The following XIRP2 variants were observed in gnomAD, a reference collection of about 807,000 sequenced individuals.
XIRP2 encodes xin actin-binding repeat-containing protein 2.
Under a neutral mutation model 277.0 loss-of-function variants are expected in XIRP2, and 236 were observed. The observed-to-expected ratio is 0.85, with a 90% CI of 0.77 to 0.95. The LOEUF is 0.95. Among genes scored for constraint, XIRP2 ranks in the 40% least tolerant of loss-of-function variants. The pLI is 0.00. For synonymous variants in XIRP2, 1,490 were observed against 1,416.5 expected (o/e 1.05, Z -1.17); for missense variants, 4,640 against 4,157.5 (o/e 1.12, Z -3.19).
At chr2:166,921,325 C>G (rs1275296684) in intron 2 of XIRP2, among the ~76,000 whole-genome samples, 1 of 152,042 alleles carries the variant, frequency 6.6e-6, no homozygotes, top group Non-Finnish European at 1.5e-5. Context: ...TTTCATTCCC[C>G]CCAGTAACAA....
intron 2 of XIRP2, among the ~76,000 whole-genome samples, chr2:166,927,093 C>G (rs1397702): frequency 6.6e-6 from 1 of 152,014 alleles, no homozygotes; most frequent in Admixed American, 6.6e-5. Context: ...AGTAGGAAAA[C>G]TAGCTAGTAT....
intron 2 of XIRP2, among the ~76,000 whole-genome samples, chr2:167,130,904 A>G (rs1691354732): frequency 6.6e-6 from 1 of 152,062 alleles, no homozygotes; most frequent in Non-Finnish European, 1.5e-5. Flanking sequence ...TAACTATGTA[A>G]CTTAACAGGC....
chr2:166,904,817 C>T (rs985311509), intron 2 of XIRP2, among the ~76,000 whole-genome samples: 6 of 151,956 alleles, frequency 3.9e-5, no homozygotes, highest in African/African-American at 1.4e-4. Context: ...CACCTAATGA[C>T]AGTTTTATCA....
intron 1 of XIRP2, among the ~76,000 whole-genome samples, chr2:166,892,870 ATG>A (rs900305148): frequency 6.7e-6 from 1 of 148,438 alleles, no homozygotes; most frequent in Non-Finnish European, 1.5e-5. Context: ...ATATATATGT[ATG>A]TGTGTATATA....
intron 3 of XIRP2, among the ~76,000 whole-genome samples, chr2:167,148,090 A>G (rs1447455694): frequency 2.0e-5 from 3 of 152,112 alleles, no homozygotes; most frequent in Non-Finnish European, 2.9e-5. Context: ...CAAAAGAAAG[A>G]AGGAAAAGAG....
intron 2 of XIRP2, among the ~76,000 whole-genome samples, chr2:167,131,152 T>C (rs1691362636): frequency 1.3e-5 from 2 of 152,054 alleles, no homozygotes; most frequent in South Asian, 4.1e-4. Flanking sequence ...ATCACTTATA[T>C]CTACATTAAT....
At chr2:167,077,617 A>C (rs1270644846) in intron 2 of XIRP2, among the ~76,000 whole-genome samples, 3 of 152,220 alleles carry the variant, frequency 2.0e-5, no homozygotes, top group African/African-American at 7.2e-5. Context: ...GAAACATCTG[A>C]GTAAAGAGCT....
In XIRP2 at chr2:167,249,435, A is replaced by G; in HGVS notation, c.8043A>G (p.Glu2681=). 1.2e-6 allele frequency: 2 copies of G among 1,613,882 alleles called. No individual in the cohort carries two copies. The highest frequency in any genetic ancestry group is 1.7e-6 in the Non-Finnish European group (2 of 1,179,858). Residue 2681 remains glutamate (E), a synonymous_variant, in exon 9 of 11, where the codon GAA becomes GAG. Coordinates refer to ENST00000409195, the MANE Select transcript of XIRP2 (RefSeq NM_152381.6). ...SACEIKQSHQ[E]CSTQQTQQKK... ...GCGAAATTAAACAAAGTCACCAAGA[A>G]TGTAGTACCCAACAAACACAACAGA...
At chr2:166,943,602 G>A (rs1685778772) in intron 2 of XIRP2, among the ~76,000 whole-genome samples, 1 of 152,168 alleles carries the variant, frequency 6.6e-6, no homozygotes, top group Admixed American at 6.5e-5. Flanking sequence ...CTCTGCAGAG[G>A]GGCATGGGAC....
At chr2:167,004,233 G>C (rs1318765219) in intron 2 of XIRP2, among the ~76,000 whole-genome samples, 4 of 151,782 alleles carry the variant, frequency 2.6e-5, no homozygotes, top group African/African-American at 9.7e-5. Flanking sequence ...TATTTTAGCT[G>C]CAGGTATGCA....
intron 2 of XIRP2, among the ~76,000 whole-genome samples, chr2:166,925,657 C>G (rs928348342): frequency 1.4e-5 from 2 of 145,342 alleles, no homozygotes; most frequent in Non-Finnish European, 3.0e-5. Flanking sequence ...AATTTCTCTC[C>G]TCCAACTATT....
chr2:167,111,686 TAGA>T (rs1690759979), intron 2 of XIRP2, among the ~76,000 whole-genome samples: 1 of 152,146 alleles, frequency 6.6e-6, no homozygotes, highest in South Asian at 2.1e-4. Flanking sequence ...GCTCGTCTCA[TAGA>T]AGGAGTTTGG....
At chr2:167,239,294 A>G (rs918155823) in intron 5 of XIRP2, among the ~76,000 whole-genome samples, 1 of 152,214 alleles carries the variant, frequency 6.6e-6, no homozygotes, top group Non-Finnish European at 1.5e-5. Context: ...TGGTCTCCAG[A>G]TATAACTATG....
chr2:166,906,510 A>G lies in XIRP2; in HGVS notation c.408+2620A>G, dbSNP rs192860464. On this transcript the variant is annotated intron_variant, in intron 2 of 10. Coordinates refer to ENST00000409195, the MANE Select transcript of XIRP2 (RefSeq NM_152381.6). The stretch of plus-strand genomic sequence containing the variant: ...TACATTACAATAGACATTATAATGT[A>G]TGTGTATATGTATATGTACACAGTT... Among the ~76,000 whole-genome samples the G allele has an allele frequency of 1.2e-4, 18 of 152,218 alleles. No homozygotes were observed. In the East Asian group the frequency reaches 3.5e-3, roughly 29 times the overall value.
chr2:167,029,630 G>T (rs990061500), intron 2 of XIRP2, among the ~76,000 whole-genome samples: 1 of 152,044 alleles, frequency 6.6e-6, no homozygotes, highest in African/African-American at 2.4e-5. Context: ...GAGAATTTTT[G>T]CATCGACGTT....
chr2:166,917,174 C>T (rs1183864930), intron 2 of XIRP2, among the ~76,000 whole-genome samples: 1 of 152,148 alleles, frequency 6.6e-6, no homozygotes, highest in Non-Finnish European at 1.5e-5. Flanking sequence ...CATCTGACAA[C>T]ACCTTCGTCT....
At chr2:167,176,504 A>T (rs1175836379) in intron 3 of XIRP2, among the ~76,000 whole-genome samples, 1 of 152,046 alleles carries the variant, frequency 6.6e-6, no homozygotes, top group Non-Finnish European at 1.5e-5. Context: ...TTTAACATCT[A>T]AGCCATCTTT....
intron 2 of XIRP2, among the ~76,000 whole-genome samples, chr2:166,975,780 G>T (rs568063729): frequency 2.0e-5 from 3 of 151,782 alleles, no homozygotes; most frequent in African/African-American, 7.2e-5. Flanking sequence ...AAAAAAATTA[G>T]CCGGGCGTGG....
At position 167,249,103 on chromosome 2, in the gene XIRP2, G is replaced by C. The variant is rs546649626; in HGVS notation, c.7711G>C (p.Val2571Leu). The C allele has an allele frequency of 6.2e-7, 1 of 1,613,656 alleles. No individual in the cohort carries two copies. The highest frequency in any genetic ancestry group is 1.3e-5 in the African/African-American group (1 of 74,940). ...ACAGGAGAGTTCTTACTACAACATT[G>C]TTAAAACTCAAAGCCAAAATCAACA... The part of the protein sequence containing the change: ...QKQESSYYNI[V>L]KTQSQNQHIT... Residue 2571 changes from valine to leucine, a missense_variant, in exon 9 of 11, where the codon GTT (valine) becomes CTT (leucine). Physicochemically the swap from Val to Leu is conservative, Grantham distance 32. Coordinates refer to ENST00000409195, the MANE Select transcript of XIRP2 (RefSeq NM_152381.6).
Sources: allele counts gnomAD v4.1 joint callset (sites outside exome capture counted in the v4.1 genomes callset), GRCh38; gene constraint gnomAD v4.1.1; transcripts MANE v1.5; gene names NCBI Gene and HGNC (gene_info 2026-07-23, HGNC 2026-07-21).